EBF1: variants seen among roughly 807,000 people sequenced by gnomAD.
EBF1 encodes EBF transcription factor 1.
EBF1 carries 10 observed loss-of-function variants against 68.4 expected under a neutral mutation model. The observed-to-expected ratio is 0.15, with a 90% confidence interval of 0.09 to 0.25. The LOEUF (loss-of-function observed/expected upper bound fraction) is 0.25. Ranked by LOEUF, EBF1 falls within the 10% of genes least tolerant of loss-of-function variation. The pLI, the probability that EBF1 is intolerant of heterozygous loss-of-function variation, is 1.00. For missense variants in EBF1, 509 were observed against 794.4 expected, an observed-to-expected ratio of 0.64 and a Z score of 4.32; for synonymous variants, 298 against 299.8, an observed-to-expected ratio of 0.99 and a Z score of 0.06.
At chr5:158,914,616 A>AG (rs1167850541) in intron 6 of EBF1, among the ~76,000 whole-genome samples, 18 of 152,020 alleles carry the variant, frequency 1.2e-4, no homozygotes, top group Middle Eastern at 3.4e-3. Context: ...AAAGAAAAGG[A>AG]GGGGGGGAAA....
At chr5:158,752,685 G>A (rs1769191159) in intron 10 of EBF1, among the ~76,000 whole-genome samples, 1 of 152,088 alleles carries the variant, frequency 6.6e-6, no homozygotes, top group South Asian at 2.1e-4. Context: ...CTTCACACAT[G>A]TAACTTTCAA....
intron 9 of EBF1, among the ~76,000 whole-genome samples, chr5:158,790,501 G>GGA (rs544214214): frequency 2.0e-5 from 3 of 149,312 alleles, no homozygotes; most frequent in Non-Finnish European, 4.5e-5. Flanking sequence ...GATCCTTGGG[G>GGA]AAAAAAAAAA....
chr5:159,088,326 T>A (rs1047412086), intron 4 of EBF1, among the ~76,000 whole-genome samples: 1 of 152,090 alleles, frequency 6.6e-6, no homozygotes, highest in African/African-American at 2.4e-5. Flanking sequence ...GCCCTAAAGT[T>A]CTCCCTGCAG....
chr5:158,951,190 T>C (rs73816847), intron 6 of EBF1, among the ~76,000 whole-genome samples: 252 of 152,362 alleles, frequency 1.7e-3, no homozygotes, highest in African/African-American at 5.0e-3. Context: ...GACTTCCAAA[T>C]TGACTATAAA....
At chr5:158,821,839 AAAG>A (rs1455855976) in intron 8 of EBF1, among the ~76,000 whole-genome samples, 1 of 152,226 alleles carries the variant, frequency 6.6e-6, no homozygotes, top group Non-Finnish European at 1.5e-5. Context: ...ATGAAACCAT[AAAG>A]AAGCAGCTTT....
At chr5:158,984,579 G>A (rs1758616595) in intron 6 of EBF1, 1 of 151,918 alleles carries the variant, frequency 6.6e-6, no homozygotes, top group African/African-American at 2.4e-5. Context: ...TCTCAGTTTG[G>A]TGCTAGTATC....
intron 6 of EBF1, among the ~76,000 whole-genome samples, chr5:158,921,046 A>T (rs1407251369): frequency 1.3e-5 from 2 of 152,242 alleles, no homozygotes; most frequent in African/African-American, 4.8e-5. Flanking sequence ...TGCAGTGCTT[A>T]GACTTGTAGA....
Position 158,964,216 on chromosome 5 carries a change from G to A in EBF1, c.554+109180C>T, listed in dbSNP as rs151181282. 1.5e-3 allele frequency among the ~76,000 whole-genome samples: 225 copies of A among 152,260 alleles called. 1 individual carries two copies. The highest frequency in any genetic ancestry group is 5.0e-3 in the African/African-American group (209 of 41,556). On this transcript the variant is annotated intron_variant, in intron 6 of 15. Coordinates refer to ENST00000313708, the MANE Select transcript of EBF1 (RefSeq NM_024007.5). ...GGTGAGTGTGCATCAGTGCAAAGTG[G>A]TCCAATGTAAGGAGGGGAGTAGCAA...
chr5:158,859,826 C>T (rs1794670580), intron 6 of EBF1, among the ~76,000 whole-genome samples: 1 of 152,178 alleles, frequency 6.6e-6, no homozygotes, highest in African/African-American at 2.4e-5. Flanking sequence ...ATTCCCAAGG[C>T]TTTTGTTGAT....
In EBF1 at chr5:158,697,890, T is replaced by C. The variant is rs1285403412; in HGVS notation, c.*1221A>G. 4.8e-6 allele frequency: 1 copy of C among 207,716 alleles called. No homozygotes were observed. Among genetic ancestry groups the C allele is most frequent in the Non-Finnish European group, 9.8e-6 (1 of 101,974 alleles). The allele number at this position is 207,716 out of a possible 1,614,324, so 12.9% of individuals were successfully genotyped here. A position where few individuals can be genotyped will look rare whatever the true frequency, so the allele number is the denominator to read the frequency against. ...CTTATTTTTAAGAACACTTCCCAGA[T>C]AATGAGAGCAAAAATTCCCATAGAA... is the stretch of plus-strand genomic sequence containing the variant. On this transcript the variant is annotated 3_prime_UTR_variant, in exon 16 of 16. Coordinates refer to ENST00000313708, the MANE Select transcript of EBF1 (RefSeq NM_024007.5).
intron 11 of EBF1, among the ~76,000 whole-genome samples, chr5:158,717,146 A>G (rs569483428): frequency 6.6e-6 from 1 of 152,346 alleles, no homozygotes; most frequent in South Asian, 2.1e-4. Flanking sequence ...TAAATTTGTA[A>G]AAGGCATTAT....
rs2127962181 is a variant in EBF1, at chr5:158,840,089, G to A, written c.576C>T (p.Leu192=). 1 of 1,613,986 alleles carries A rather than the reference G, an allele frequency of 6.2e-7. No homozygotes were observed. The highest frequency in any genetic ancestry group is 2.2e-5 in the East Asian group (1 of 44,884). ...TCTTTAGGCAATTTTGGTTACATTT[G>A]AGGAAAAATTTCAAGAAGAACCTGT... The part of the protein sequence containing the change: ...IIDRFFLKFF[L]KCNQNCLKNA... Residue 192 remains leucine, a synonymous_variant, in exon 7 of 16, where the codon CTC becomes CTT. Coordinates refer to ENST00000313708, the MANE Select transcript of EBF1 (RefSeq NM_024007.5).
chr5:158,845,870 A>G (rs908968025), intron 6 of EBF1, among the ~76,000 whole-genome samples: 4 of 152,218 alleles, frequency 2.6e-5, no homozygotes, highest in African/African-American at 9.7e-5. Flanking sequence ...ACTGCCCATT[A>G]GGCAACAGCT....
intron 10 of EBF1, among the ~76,000 whole-genome samples, chr5:158,734,695 C>T (rs1764815265): frequency 6.6e-6 from 1 of 151,958 alleles, no homozygotes; most frequent in Admixed American, 6.5e-5. Flanking sequence ...TTTTCCCCCT[C>T]AAACTTGGGA....
intron 6 of EBF1, among the ~76,000 whole-genome samples, chr5:158,995,676 A>G (rs548105952): frequency 1.9e-4 from 29 of 152,164 alleles, no homozygotes; most frequent in Admixed American, 1.9e-3. Context: ...ACCTTCTTAC[A>G]GGGTCATTGT....
chr5:158,818,140 AG>A (rs1267463950), intron 8 of EBF1, among the ~76,000 whole-genome samples: 7 of 152,170 alleles, frequency 4.6e-5, no homozygotes, highest in Non-Finnish European at 7.4e-5. Flanking sequence ...TGACCTTCCC[AG>A]GGCCACTTCA....
At chr5:159,095,700 A>G in intron 3 of EBF1, 25 bp from the exon 4 acceptor site, 1 of 1,613,228 alleles carries the variant, frequency 6.2e-7, no homozygotes, top group Non-Finnish European at 8.5e-7. Flanking sequence ...GGGGGAAGGG[A>G]GGAGAATTAA....
chr5:158,894,901 G>A (rs886359934), intron 6 of EBF1, among the ~76,000 whole-genome samples: 1 of 152,124 alleles, frequency 6.6e-6, no homozygotes, highest in African/African-American at 2.4e-5. Flanking sequence ...TAAGAAGCCA[G>A]GTATGTTTCA....
Position 158,997,262 on chromosome 5 carries a change from C to G in EBF1, c.554+76134G>C, listed in dbSNP as rs1267653457. ...AGGTGGCCCCAGGGGTCTCTCACTCCCTGAGGAGAGCCAGACTGGGACCCT... is the reference window on the plus strand; with the variant it reads ...AGGTGGCCCCAGGGGTCTCTCACTCGCTGAGGAGAGCCAGACTGGGACCCT... On this transcript the variant is annotated intron_variant, in intron 6 of 15. Transcript: ENST00000313708. 2.0e-5 allele frequency among the ~76,000 whole-genome samples: 3 copies of G among 152,236 alleles called. No homozygotes were observed. The East Asian group carries it at 5.8e-4, about 29-fold the overall frequency.
Sources: allele counts gnomAD v4.1 joint callset (sites outside exome capture counted in the v4.1 genomes callset), GRCh38; gene constraint gnomAD v4.1.1; transcripts MANE v1.5; gene names NCBI Gene and HGNC (gene_info 2026-07-23, HGNC 2026-07-21).